Variants in MYCBPAP observed in about 807,000 individuals in gnomAD.
MYCBPAP encodes MYCBP-associated protein.
In MYCBPAP, 60 loss-of-function variants were observed where a neutral mutation model predicts 106.1. The observed-to-expected ratio is 0.57, with a 90% CI of 0.46 to 0.70. The LOEUF (loss-of-function observed/expected upper bound fraction) is 0.70, where lower values mean the gene tolerates loss of function less well. Ranked by LOEUF, MYCBPAP falls within the 30% of genes least tolerant of loss-of-function variation. The pLI is 0.00. For synonymous variants in MYCBPAP, 407 were observed against 440.6 expected (o/e 0.92, Z 0.95); for missense variants, 1,064 against 1,169.3 (o/e 0.91, Z 1.31).
chr17:50,528,136 ACT>A lies in MYCBPAP; in HGVS notation c.2292-18_2292-17del. 1.2e-6 allele frequency: 2 copies of A among 1,606,562 alleles called. No individual in the cohort carries two copies. The highest frequency in any genetic ancestry group is 1.7e-6 in the Non-Finnish European group (2 of 1,173,722). On this transcript the variant is annotated splice_polypyrimidine_tract_variant and intron_variant, in intron 15 of 18. Coordinates refer to ENST00000323776, the MANE Select transcript of MYCBPAP (RefSeq NM_032133.6). ...AAATGAGGAGTGATGGCATTTCTCCACTGTGTCTTGCCCTCTAGTTTGCAGCT... is the reference window on the plus strand; with the variant it reads ...AAATGAGGAGTGATGGCATTTCTCCAGTGTCTTGCCCTCTAGTTTGCAGCT...
chr17:50,513,765 A>G (rs1232557075), intron 1 of MYCBPAP, among the ~76,000 whole-genome samples: 3 of 152,238 alleles, frequency 2.0e-5, no homozygotes, highest in Admixed American at 6.5e-5. Flanking sequence ...GATAATACCA[A>G]AATATTTACA....
Position 50,527,271 on chromosome 17 carries a change from C to T in MYCBPAP, c.2170-16C>T. ...CTTGGTGTCCTGGTGCAGAATGGTG[C>T]CCATGACCCTGCCAGGCAGTGATGG... On this transcript the variant is annotated splice_polypyrimidine_tract_variant and intron_variant, in intron 14 of 18. Coordinates refer to ENST00000323776, the MANE Select transcript of MYCBPAP (RefSeq NM_032133.6). 2 of 1,613,656 alleles carry T rather than the reference C, an allele frequency of 1.2e-6. No homozygotes were observed. The highest frequency in any genetic ancestry group is 1.7e-6 in the Non-Finnish European group (2 of 1,179,760).
At chr17:50,511,104 TATCTC>T (rs568762582) in intron 1 of MYCBPAP, among the ~76,000 whole-genome samples, 2 of 152,048 alleles carry the variant, frequency 1.3e-5, no homozygotes, top group South Asian at 4.1e-4. Context: ...TTTTTAAAAA[TATCTC>T]AGGGGAGCCT....
rs775627540 is a variant in MYCBPAP at position 50,529,123 on chromosome 17, C to T, written c.2659C>T (p.Leu887Phe). ...SLEDPTPDII[L>F]SSQEPIDPLV... ...GGAAGACCCTACCCCTGACATCATC[C>T]TCTCTTCTCAAGAACCCATAGACCC... The change falls in exon 18 of 19, where the codon CTC (leucine) becomes TTC (phenylalanine). Residue 887 changes from leucine (L) to phenylalanine (F), a missense_variant. By Grantham distance (22) the Leu-to-Phe change is conservative (BLOSUM62 0). Transcript: ENST00000323776. The T allele has an allele frequency of 2.5e-6, 4 of 1,614,014 alleles. No homozygotes were observed. Among genetic ancestry groups the T allele is most frequent in the Non-Finnish European group, 3.4e-6 (4 of 1,180,034 alleles).
At position 50,521,377 on chromosome 17, in the gene MYCBPAP, A is replaced by G; in HGVS notation, c.1094A>G (p.Asp365Gly). 5.0e-6 allele frequency: 8 copies of G among 1,605,806 alleles called. No individual in the cohort carries two copies. The highest frequency in any genetic ancestry group is 6.8e-6 in the Non-Finnish European group (8 of 1,175,726). Residue 365 changes from aspartate (D) to glycine (G), a missense_variant, in exon 9 of 19, where the codon GAC becomes GGC. Coordinates refer to ENST00000323776, the MANE Select transcript of MYCBPAP (RefSeq NM_032133.6). ...CCCTTCTCGGCTGTTACTGTGGAAG[A>G]CTACACAGTGTTTGAAAGAAGTCAG... Reference protein sequence around the residue: ...GWPFSAVTVEDYTVFERSQGS... With the variant: ...GWPFSAVTVEGYTVFERSQGS...
At chr17:50,528,308 C>T (rs2034525510) in intron 16 of MYCBPAP, 38 bp downstream of exon 16, 2 of 1,489,526 alleles carry the variant, frequency 1.3e-6, no homozygotes, top group East Asian at 4.6e-5. Flanking sequence ...TCTGCATAGC[C>T]CTCCTCATCT....
chr17:50,524,890 C>T lies in MYCBPAP; in HGVS notation c.1649C>T (p.Ala550Val), dbSNP rs775892808. Reference sequence around the variant, plus strand: ...TCCCTTTTGCAGAGCAAGCTGACTGCCCATGAGGCAGTCACCGTCGTTCGC... The same window carrying T: ...TCCCTTTTGCAGAGCAAGCTGACTGTCCATGAGGCAGTCACCGTCGTTCGC... ...ERKVLESKLTAHEAVTVVREV... is the reference protein window; with the variant it reads ...ERKVLESKLTVHEAVTVVREV... The change falls in exon 13 of 19, where the codon GCC (alanine) becomes GTC (valine). Residue 550 changes from alanine to valine, a missense_variant. Transcript: ENST00000323776. 4.3e-6 allele frequency: 7 copies of T among 1,613,768 alleles called. No homozygotes were observed. Among genetic ancestry groups the T allele is most frequent in the Non-Finnish European group, 5.9e-6 (7 of 1,179,902 alleles).
At position 50,508,440 on chromosome 17, in the gene MYCBPAP, G is replaced by T; in HGVS notation, c.-235G>T. ...TGTGGCGTCACAGGCCGGGCCCGCAGGGCTTTCTAGGGGTCCGTCGCTCTT... is the reference window on the plus strand; with the variant it reads ...TGTGGCGTCACAGGCCGGGCCCGCATGGCTTTCTAGGGGTCCGTCGCTCTT... On this transcript the variant is annotated 5_prime_UTR_variant, in exon 1 of 19. In the 5' UTR this introduces an upstream ATG that the reference lacks. Transcript: ENST00000323776. The T allele has an allele frequency of 3.6e-6, 4 of 1,117,894 alleles. No homozygotes were observed. The highest frequency in any genetic ancestry group is 5.0e-6 in the Non-Finnish European group (4 of 805,800). 69.2% of individuals were successfully genotyped at this position (1,117,894 alleles called of 1,614,324 possible).
At chr17:50,521,515 A>C (rs2080386947) in intron 9 of MYCBPAP, 84 bp downstream of exon 9, 2 of 1,049,628 alleles carry the variant, frequency 1.9e-6, no homozygotes, top group South Asian at 2.8e-5. Context: ...TCCCTCCCTG[A>C]GATCAGGGTG....
intron 7 of MYCBPAP, 46 bp from the exon 8 acceptor site, chr17:50,521,064 G>C (rs756415092): frequency 6.7e-6 from 10 of 1,500,662 alleles, no homozygotes; most frequent in African/African-American, 1.4e-5. Context: ...GTGAGCAAGG[G>C]GACATGGCAG....
At chr17:50,530,229 C>T (rs890292113) in intron 18 of MYCBPAP, 1 of 437,896 alleles carries the variant, frequency 2.3e-6, no homozygotes, top group Non-Finnish European at 4.5e-6. Context: ...TGCGGTGGCT[C>T]GTGCCTGTAA....
At chr17:50,530,579 T>G (rs969004721) in intron 18 of MYCBPAP, among the ~76,000 whole-genome samples, 1 of 151,536 alleles carries the variant, frequency 6.6e-6, no homozygotes, top group Non-Finnish European at 1.5e-5. Flanking sequence ...GTGGATTGCT[T>G]GAGCCCAGGA....
At chr17:50,523,561 T>G in intron 11 of MYCBPAP, 36 bp from the exon 12 acceptor site, 1 of 1,609,268 alleles carries the variant, frequency 6.2e-7, no homozygotes, top group Non-Finnish European at 8.5e-7. Context: ...AGCCAGCTCC[T>G]GCATGTTGAA....
At chr17:50,510,499 G>GTGTGTGTGTGTATATATA (rs1418345705) in intron 1 of MYCBPAP, 2 of 76,420 alleles carry the variant, frequency 2.6e-5, no homozygotes, top group African/African-American at 9.2e-5. Context: ...GTGTGTGTGT[G>GTGTGTGTGTGTATATATA]TATATATATA....
intron 13 of MYCBPAP, among the ~76,000 whole-genome samples, chr17:50,525,466 G>A (rs2034426504): frequency 6.6e-6 from 1 of 152,110 alleles, no homozygotes; most frequent in African/African-American, 2.4e-5. Context: ...GCAGTCCTAT[G>A]AGATGGGTAC....
chr17:50,518,590 C>T lies in MYCBPAP; in HGVS notation c.518C>T (p.Ala173Val). The T allele has an allele frequency of 1.2e-6, 2 of 1,608,110 alleles. No homozygotes were observed. Among genetic ancestry groups the T allele is most frequent in the East Asian group, 2.2e-5 (1 of 44,876 alleles). ...TSPCLMTLIS[A>V]EGESKQKAPK... The stretch of plus-strand genomic sequence containing the variant: ...CCCTGTCTGATGACCCTCATCTCTG[C>T]TGAAGGAGAGTCAAAGCAAAAAGCC... The change falls in exon 5 of 19, where the codon GCT becomes GTT. Residue 173 changes from alanine (A) to valine (V), a missense_variant. Ala to Val is a moderately conservative substitution (Grantham distance 64, BLOSUM62 0). Transcript: ENST00000323776.
chr17:50,525,544 TGTCC>T (rs887284093), intron 13 of MYCBPAP, among the ~76,000 whole-genome samples: 5 of 152,110 alleles, frequency 3.3e-5, no homozygotes, highest in Non-Finnish European at 7.3e-5. Flanking sequence ...CAGAGTACAG[TGTCC>T]CACTCATAGC....
chr17:50,509,201 C>T lies in MYCBPAP; in HGVS notation c.76+451C>T, dbSNP rs1377787087. On this transcript the variant is annotated intron_variant, in intron 1 of 18. Transcript: ENST00000323776. Reference sequence around the variant, plus strand: ...ATGGGATTATTTGGTAGAGGAGGGTCGGGGAGCGGGGCAGGCGTCACTTAG... The same window carrying T: ...ATGGGATTATTTGGTAGAGGAGGGTTGGGGAGCGGGGCAGGCGTCACTTAG... The T allele has an allele frequency of 5.7e-6, 4 of 700,338 alleles. No individual in the cohort carries two copies. The East Asian group carries it at 1.1e-4, about 19-fold the overall frequency. 43.4% of individuals were successfully genotyped at this position (700,338 alleles called of 1,614,324 possible). A position where few individuals can be genotyped will look rare whatever the true frequency, so the allele number is the denominator to read the frequency against.
chr17:50,508,445 TTCTAGGGGTCCGTCGC>T lies in MYCBPAP; in HGVS notation c.-226_-211del. 3.4e-6 allele frequency: 4 copies of T among 1,187,486 alleles called. No individual in the cohort carries two copies. The highest frequency in any genetic ancestry group is 4.7e-6 in the Non-Finnish European group (4 of 857,772). 73.6% of individuals were successfully genotyped at this position (1,187,486 alleles called of 1,614,324 possible). A position where few individuals can be genotyped will look rare whatever the true frequency, so the allele number is the denominator to read the frequency against. ...CGTCACAGGCCGGGCCCGCAGGGCT[TTCTAGGGGTCCGTCGC>T]TCTTGAAGCCGCCGGCGGCGGGCGC... On this transcript the variant is annotated 5_prime_UTR_variant, in exon 1 of 19. Coordinates refer to ENST00000323776, the MANE Select transcript of MYCBPAP (RefSeq NM_032133.6).
Sources: gnomAD v4.1 joint callset for allele counts (sites outside exome capture counted in the v4.1 genomes callset) on GRCh38, gnomAD v4.1.1 for gene constraint, MANE v1.5 for transcripts, NCBI Gene and HGNC (gene_info 2026-07-23, HGNC 2026-07-21) for gene names.